CPAMD8: variants seen among roughly 807,000 people sequenced by gnomAD.
CPAMD8 encodes C3 and PZP-like alpha-2-macroglobulin domain-containing protein 8.
CPAMD8 carries 146 observed loss-of-function variants against 224.7 expected under a neutral mutation model. The observed-to-expected ratio is 0.65, with a 90% CI of 0.57 to 0.75. The LOEUF is 0.75. CPAMD8 is among the 30% of genes least tolerant of loss of function. The probability of loss-of-function intolerance (pLI) is 0.00; values close to 1 mark genes in which losing one functional copy is unlikely to be tolerated. For synonymous variants in CPAMD8, 966 were observed against 1,044.6 expected, an observed-to-expected ratio of 0.92 and a Z score of 1.45; for missense variants, 2,301 against 2,537.5, an observed-to-expected ratio of 0.91 and a Z score of 2.00.
chr19:16,897,519 C>G (rs892467303), intron 39 of CPAMD8, 172 bp downstream of exon 39: 3 of 565,596 alleles, frequency 5.3e-6, no homozygotes, highest in Non-Finnish European at 9.3e-6. Context: ...CTCCTCCAGC[C>G]CCGCCTCCCC....
chr19:16,911,585 G>T (rs1038540524), intron 29 of CPAMD8, among the ~76,000 whole-genome samples: 21 of 151,826 alleles, frequency 1.4e-4, no homozygotes, highest in African/African-American at 5.1e-4. Context: ...TGGCACTCTT[G>T]CCCGGGCTGG....
At chr19:16,900,327 G>A (rs973995030) in intron 36 of CPAMD8, among the ~76,000 whole-genome samples, 5 of 152,144 alleles carry the variant, frequency 3.3e-5, no homozygotes, top group Admixed American at 2.6e-4. Context: ...GCCCGGTGCT[G>A]TGGCTCACAT....
intron 1 of CPAMD8, among the ~76,000 whole-genome samples, chr19:17,026,139 A>T (rs893794240): frequency 1.3e-5 from 2 of 152,156 alleles, no homozygotes; most frequent in Admixed American, 6.6e-5. Flanking sequence ...CTCTAGAAAA[A>T]TGTAGAAGCA....
In CPAMD8 at chr19:16,897,975, G is replaced by A. The variant is rs1449554330; in HGVS notation, c.4868C>T (p.Thr1623Met). The A allele has an allele frequency of 6.2e-7, 1 of 1,610,826 alleles. No homozygotes were observed. Among genetic ancestry groups the A allele is most frequent in the East Asian group, 2.2e-5 (1 of 44,796 alleles). Residue 1623 changes from threonine to methionine, a missense_variant, in exon 38 of 42, where the codon ACG (threonine) becomes ATG (methionine). Around this residue, in one of 4 missense-constraint regions of CPAMD8, gnomAD observed 1,709 missense variants for 1,753.2 expected, o/e 0.97. Transcript: ENST00000443236. The part of the protein sequence containing the change: ...YFDEIPSRCL[T>M]CVRFRALREC... ...CCGGAGAGCACGGAACCGCACGCAC[G>A]TCAGGCACCGGCTGGGGATCTGTGG...
Position 16,976,061 on chromosome 19 carries a change from C to T in CPAMD8, c.1849G>A (p.Ala617Thr), listed in dbSNP as rs568970755. 22 of 1,611,558 alleles carry T rather than the reference C, an allele frequency of 1.4e-5. No homozygotes were observed. Among genetic ancestry groups the T allele is most frequent in the Middle Eastern group, 1.8e-4 (1 of 5,486 alleles). The change falls in exon 16 of 42, where the codon GCC becomes ACC. Residue 617 changes from alanine (A) to threonine (T), a missense_variant. Physicochemically the swap from Ala to Thr is moderately conservative, Grantham distance 58 (BLOSUM62 0). Around this residue, in one of 4 missense-constraint regions of CPAMD8, gnomAD observed 1,709 missense variants for 1,753.2 expected, o/e 0.97. Coordinates refer to ENST00000443236, the MANE Select transcript of CPAMD8 (RefSeq NM_015692.5). Reference protein sequence around the residue: ...RAARGSCVCVAAVDKSVYLLR... With the variant: ...RAARGSCVCVTAVDKSVYLLR... ...AGGTAGACACTCTTATCAACTGCGGCGACGCACACACAGCTGCCCCTTGCA... is the reference window on the plus strand; with the variant it reads ...AGGTAGACACTCTTATCAACTGCGGTGACGCACACACAGCTGCCCCTTGCA...
chr19:16,961,526 C>T (rs112896101), intron 18 of CPAMD8, among the ~76,000 whole-genome samples: 9 of 152,134 alleles, frequency 5.9e-5, no homozygotes, highest in African/African-American at 2.2e-4. Context: ...TTAAACTGGG[C>T]GGAGCCCACT....
chr19:16,939,179 TTATTTATTTATC>T (rs1310554086), intron 22 of CPAMD8, among the ~76,000 whole-genome samples: 1 of 80,728 alleles, frequency 1.2e-5, no homozygotes, highest in Admixed American at 1.3e-4. Flanking sequence ...ATTTATTTAT[TTATTTATTTATC>T]TATCTATCTA....
At chr19:16,928,398 C>T (rs1302407812) in intron 24 of CPAMD8, among the ~76,000 whole-genome samples, 164 bp from the exon 25 acceptor site, 1 of 152,210 alleles carries the variant, frequency 6.6e-6, no homozygotes, top group Non-Finnish European at 1.5e-5. Flanking sequence ...CAGGTTACCC[C>T]ATCCATTAAA....
At chr19:17,024,510 C>T (rs537592701) in intron 1 of CPAMD8, among the ~76,000 whole-genome samples, 20 of 152,310 alleles carry the variant, frequency 1.3e-4, no homozygotes, top group African/African-American at 4.8e-4. Context: ...AGAGTTTAGA[C>T]GGGCCTCACA....
At chr19:16,946,754 T>A (rs1324899441) in intron 21 of CPAMD8, among the ~76,000 whole-genome samples, 3 of 150,510 alleles carry the variant, frequency 2.0e-5, no homozygotes, top group Non-Finnish European at 4.4e-5. Context: ...TGTGTGTGGA[T>A]TTGTGTGTGT....
intron 18 of CPAMD8, among the ~76,000 whole-genome samples, chr19:16,964,893 C>T (rs2054775960): frequency 6.6e-6 from 1 of 152,128 alleles, no homozygotes; most frequent in Admixed American, 6.6e-5. Context: ...TCAACGTACA[C>T]AAATCAATAA....
chr19:16,928,000 C>G lies in CPAMD8; in HGVS notation c.3370+9G>C. The G allele has an allele frequency of 6.2e-7, 1 of 1,600,930 alleles. No individual in the cohort carries two copies. The highest frequency in any genetic ancestry group is 8.6e-7 in the Non-Finnish European group (1 of 1,168,166). On this transcript the variant is annotated intron_variant, in intron 25 of 41. Coordinates refer to ENST00000443236, the MANE Select transcript of CPAMD8 (RefSeq NM_015692.5). ...GACCTCTCCAAGCCAGGCTGTGGGA[C>G]AGACGCACCGATGATGGAGGCGGTG... is the stretch of plus-strand genomic sequence containing the variant.
chr19:17,024,257 A>G (rs1239701154), intron 1 of CPAMD8, among the ~76,000 whole-genome samples: 2 of 152,196 alleles, frequency 1.3e-5, no homozygotes, highest in African/African-American at 4.8e-5. Context: ...CTGTGATCAT[A>G]GTGTGCTACA....
chr19:17,008,720 A>C, intron 6 of CPAMD8, 161 bp from the exon 7 acceptor site: 1 of 814,032 alleles, frequency 1.2e-6, no homozygotes, highest in Admixed American at 2.0e-5. Flanking sequence ...AAAGCTCTGG[A>C]TAGAGAAGGA....
chr19:16,901,117 G>T (rs1174591755), intron 36 of CPAMD8, 93 bp downstream of exon 36: 1 of 754,356 alleles, frequency 1.3e-6, no homozygotes, highest in South Asian at 1.7e-5. Context: ...TTTTACAAAG[G>T]TCTGGACTGC....
At chr19:16,976,199 T>C (rs2055263997) in intron 15 of CPAMD8, 48 bp from the exon 16 acceptor site, 2 of 1,541,080 alleles carry the variant, frequency 1.3e-6, no homozygotes, top group South Asian at 1.2e-5. Flanking sequence ...CAGTTGGCTG[T>C]GAGTGGTGGC....
intron 11 of CPAMD8, among the ~76,000 whole-genome samples, chr19:16,994,724 T>C (rs1430202150): frequency 2.0e-5 from 3 of 152,126 alleles, no homozygotes; most frequent in East Asian, 1.9e-4. Context: ...CTTGCTCTAT[T>C]GCCCAGGCTG....
In CPAMD8 at chr19:16,955,905, GGGCT is replaced by G. The variant is rs375609173; in HGVS notation, c.2276+1944_2276+1947del. On this transcript the variant is annotated intron_variant, in intron 19 of 41. Transcript: ENST00000443236. Reference sequence around the variant, plus strand: ...TTGCCCAGGCTGGTCTTGAACTCCTGGGCTCAAGCAATCCTCCTGCCTCAGCCTC... The same window carrying G: ...TTGCCCAGGCTGGTCTTGAACTCCTGCAAGCAATCCTCCTGCCTCAGCCTC... Among the ~76,000 whole-genome samples the G allele has an allele frequency of 1.2e-3, 177 of 152,162 alleles. 2 individuals are homozygous for G. The Middle Eastern group carries it at 0.014, about 12-fold the overall frequency.
intron 41 of CPAMD8, chr19:16,894,094 CG>C: frequency 1.0e-5 from 2 of 197,592 alleles, no homozygotes; most frequent in Non-Finnish European, 1.1e-5. Flanking sequence ...TGGGAGCTGC[CG>C]TGGCCCCAGG....
Sources: gnomAD v4.1 joint callset for allele counts (sites outside exome capture counted in the v4.1 genomes callset) on GRCh38, gnomAD v4.1.1 for gene constraint, gnomAD v4.1.1 regional missense constraint, MANE v1.5 for transcripts, NCBI Gene and HGNC (gene_info 2026-07-23, HGNC 2026-07-21) for gene names.